WIZ: variants seen among roughly 807,000 people sequenced by gnomAD.
The protein encoded by WIZ is WIZ zinc finger, also known as protein Wiz.
Under a neutral mutation model 140.2 loss-of-function variants are expected in WIZ, and 25 were observed. The observed-to-expected ratio is 0.18, with a 90% CI of 0.13 to 0.25. WIZ has a LOEUF of 0.25. Among genes scored for constraint, WIZ ranks in the 10% least tolerant of loss-of-function variants. WIZ has a pLI of 1.00. For missense variants in WIZ, 2,231 were observed against 2,632.6 expected (o/e 0.85, Z 3.34); for synonymous variants, 1,125 against 1,154.3 (o/e 0.97, Z 0.51).
Position 15,420,539 on chromosome 19 carries a change from T to C in WIZ, c.*2537A>G, listed in dbSNP as rs1049354900. On this transcript the variant is annotated 3_prime_UTR_variant, in exon 13 of 13. Transcript: ENST00000673675. The stretch of plus-strand genomic sequence containing the variant: ...TTCATCGCACTTGCCACAGTCATCA[T>C]TGTACCGATTTGATTTCGTTCACAT... 4 of 152,256 alleles carry C rather than the reference T, an allele frequency of 2.6e-5. No homozygotes were observed. The highest frequency in any genetic ancestry group is 2.6e-4 in the Admixed American group (4 of 15,286). 9.4% of individuals were successfully genotyped at this position (152,256 alleles called of 1,614,324 possible). A position where few individuals can be genotyped will look rare whatever the true frequency, so the allele number is the denominator to read the frequency against.
In WIZ at chr19:15,438,646, T is replaced by C; in HGVS notation, c.2348A>G (p.His783Arg). ...NRVGVSYNVR[H>R]FISAEEVKAI... ...CTTCACCTCCTCAGCGGAGATGAAA[T>C]GGCGCACATTGTAGCTGACGCCCAC... The change falls in exon 4 of 13, where the codon CAT becomes CGT. Residue 783 changes from histidine to arginine, a missense_variant. By Grantham distance (29) the His-to-Arg change is conservative (BLOSUM62 0). Transcript: ENST00000673675. 1 of 1,535,288 alleles carries C rather than the reference T, an allele frequency of 6.5e-7. No homozygotes were observed. The highest frequency in any genetic ancestry group is 1.2e-5 in the South Asian group (1 of 84,052).
In WIZ at chr19:15,442,815, TC is replaced by T; in HGVS notation, c.206-68del. On this transcript the variant is annotated intron_variant, in intron 2 of 12. Coordinates refer to ENST00000673675, the MANE Select transcript of WIZ (RefSeq NM_001371589.1). The surrounding 1 kb of genome is among the most constrained non-coding windows in gnomAD (Gnocchi z 5.5). Reference sequence around the variant, plus strand: ...TGGCCGGGGCCCTCCACACCCCAGCTCCAGGAGCCCTGCCAGGTGCCTCAGA... The same window carrying T: ...TGGCCGGGGCCCTCCACACCCCAGCTCAGGAGCCCTGCCAGGTGCCTCAGA... 9.7e-7 allele frequency: 1 copy of T among 1,031,412 alleles called. No homozygotes were observed. The highest frequency in any genetic ancestry group is 1.2e-6 in the Non-Finnish European group (1 of 804,686). 63.9% of individuals were successfully genotyped at this position (1,031,412 alleles called of 1,614,324 possible). A position where few individuals can be genotyped will look rare whatever the true frequency, so the allele number is the denominator to read the frequency against.
chr19:15,428,338 C>G lies in WIZ; in HGVS notation c.3586G>C (p.Asp1196His). ...IDVLHGLIRR[D>H]GVQIRLPPRR... ...GGTGGGAGGCGGATCTGGACGCCGT[C>G]CCTCCTGATGAGCCCGTGGAGCACG... Residue 1196 changes from aspartate (D) to histidine (H), a missense_variant, in exon 8 of 13, where the codon GAC becomes CAC. Coordinates refer to ENST00000673675, the MANE Select transcript of WIZ (RefSeq NM_001371589.1). The surrounding 1 kb of genome is among the most constrained non-coding windows in gnomAD (Gnocchi z 6.4). 6.5e-7 allele frequency: 1 copy of G among 1,535,010 alleles called. No individual in the cohort carries two copies. Among genetic ancestry groups the G allele is most frequent in the Non-Finnish European group, 8.7e-7 (1 of 1,146,552 alleles).
chr19:15,434,255 C>CT (rs200592630), intron 5 of WIZ, among the ~76,000 whole-genome samples: 31 of 118,522 alleles, frequency 2.6e-4, no homozygotes, highest in African/African-American at 8.8e-4. Context: ...AGGACTCCAT[C>CT]TTTAAAAAAA....
At position 15,424,711 on chromosome 19, in the gene WIZ, G is replaced by C; in HGVS notation, c.5216C>G (p.Pro1739Arg). 1 of 1,580,706 alleles carries C rather than the reference G, an allele frequency of 6.3e-7. No homozygotes were observed. The highest frequency in any genetic ancestry group is 8.5e-7 in the Non-Finnish European group (1 of 1,170,002). The change falls in exon 11 of 13, where the codon CCC becomes CGC. Residue 1739 changes from proline (P) to arginine (R), a missense_variant. Physicochemically the swap from Pro to Arg is moderately radical, Grantham distance 103. Transcript: ENST00000673675. The surrounding 1 kb of genome is among the most constrained non-coding windows in gnomAD (Gnocchi z 9.7). ...VGRSAGGEPG[P>R]EAGRAADGGE... Reference sequence around the variant, plus strand: ...ACCGTCGGCTGCCCGGCCAGCCTCGGGCCCTGGCTCCCCTCCGGCACTGCG... The same window carrying C: ...ACCGTCGGCTGCCCGGCCAGCCTCGCGCCCTGGCTCCCCTCCGGCACTGCG...
rs368137564 is a variant in WIZ at position 15,423,136 on chromosome 19, G to A, written c.5610C>T (p.Asp1870=). The change falls in exon 13 of 13, where the codon GAC becomes GAT. Residue 1870 remains aspartate (D), a synonymous_variant. Coordinates refer to ENST00000673675, the MANE Select transcript of WIZ (RefSeq NM_001371589.1). The part of the protein sequence containing the change: ...HILEMNFSKA[D]PPPEESQAPQ... ...GGGCCTGGGACTCCTCAGGTGGGGG[G>A]TCCGCTTTGGAGAAGTTCATCTCCA... is the stretch of plus-strand genomic sequence containing the variant. 1.3e-5 allele frequency: 21 copies of A among 1,612,870 alleles called. No homozygotes were observed. The African/African-American group carries it at 1.5e-4, about 11-fold the overall frequency.
chr19:15,443,307 AG>A (rs1415293999), intron 2 of WIZ, among the ~76,000 whole-genome samples: 1 of 152,138 alleles, frequency 6.6e-6, no homozygotes, highest in East Asian at 1.9e-4. Flanking sequence ...CTTGACCTCA[AG>A]CGATCCACCC....
In WIZ at chr19:15,420,911, T is replaced by TC. The variant is rs1412074231; in HGVS notation, c.*2164dup. The TC allele has an allele frequency of 1.3e-5, 2 of 152,106 alleles. No homozygotes were observed. Among genetic ancestry groups the TC allele is most frequent in the Non-Finnish European group, 2.9e-5 (2 of 68,042 alleles). The allele number at this position is 152,106 out of a possible 1,614,324, so 9.4% of individuals were successfully genotyped here. A position where few individuals can be genotyped will look rare whatever the true frequency, so the allele number is the denominator to read the frequency against. On this transcript the variant is annotated 3_prime_UTR_variant, in exon 13 of 13. Transcript: ENST00000673675. ...AGGCTGATCACTTGAGCTCAGGAGTTCAAGACCAGCCCGGGCAACATGGTG... is the reference window on the plus strand; with the variant it reads ...AGGCTGATCACTTGAGCTCAGGAGTTCCAAGACCAGCCCGGGCAACATGGTG...
intron 6 of WIZ, 90 bp from the exon 7 acceptor site, chr19:15,430,179 C>A: frequency 7.0e-7 from 1 of 1,429,540 alleles, no homozygotes; most frequent in South Asian, 1.5e-5. Flanking sequence ...CCCACTCACC[C>A]AGGCTCCATG....
rs528994172 is a variant in WIZ at position 15,431,000 on chromosome 19, T to C, written c.2911+12A>G. 1.2e-5 allele frequency: 18 copies of C among 1,520,156 alleles called. No individual in the cohort carries two copies. The African/African-American group carries it at 2.1e-4, about 17-fold the overall frequency. 94.2% of individuals were successfully genotyped at this position (1,520,156 alleles called of 1,614,324 possible). A position where few individuals can be genotyped will look rare whatever the true frequency, so the allele number is the denominator to read the frequency against. The stretch of plus-strand genomic sequence containing the variant: ...GGCCAGCATCCCCTGCCATGCCACC[T>C]GGGCCACTCACCCTTGAGGTCCTGC... On this transcript the variant is annotated intron_variant, in intron 6 of 12. Transcript: ENST00000673675.
At position 15,438,894 on chromosome 19, in the gene WIZ, C is replaced by T. The variant is rs1332103981; in HGVS notation, c.2100G>A (p.Val700=). Residue 700 remains valine, a synonymous_variant, in exon 4 of 13, where the codon GTG becomes GTA. Coordinates refer to ENST00000673675, the MANE Select transcript of WIZ (RefSeq NM_001371589.1). ...LGPQVMAAAR[V]PPRLQPEELG... ...GCTCCTCGGGCTGCAACCTTGGGGG[C>T]ACCCTGGCTGCCGCCATGACCTGCG... 9.6e-6 allele frequency: 14 copies of T among 1,451,510 alleles called. No individual in the cohort carries two copies. Among genetic ancestry groups the T allele is most frequent in the Non-Finnish European group, 1.3e-5 (14 of 1,102,852 alleles). 89.9% of individuals were successfully genotyped at this position (1,451,510 alleles called of 1,614,324 possible).
At chr19:15,436,073 A>G (rs376846688) in intron 5 of WIZ, among the ~76,000 whole-genome samples, 3 of 152,246 alleles carry the variant, frequency 2.0e-5, no homozygotes, top group East Asian at 1.9e-4. Flanking sequence ...CAGTGAGCCA[A>G]GATTGTGCCA....
chr19:15,429,752 GC>G lies in WIZ; in HGVS notation c.3248del (p.Gly1083AlafsTer34). 1 of 1,497,374 alleles carries G rather than the reference GC, an allele frequency of 6.7e-7. No individual in the cohort carries two copies. The highest frequency in any genetic ancestry group is 8.9e-7 in the Non-Finnish European group (1 of 1,125,728). 92.8% of individuals were successfully genotyped at this position (1,497,374 alleles called of 1,614,324 possible). A position where few individuals can be genotyped will look rare whatever the true frequency, so the allele number is the denominator to read the frequency against. On this transcript the variant is annotated frameshift_variant, in exon 7 of 13. Transcript: ENST00000673675. LOFTEE classifies it high-confidence loss of function. ...TGAGGAGTGGAGAGCTGGGCGGGTG[GC>G]CCAGGCCCTTGGCCGAGAAGCCGGG... is the stretch of plus-strand genomic sequence containing the variant. ...SPPGFSAKGL[G>X]HPPSSPLLKK... is the part of the protein sequence containing the mutation.
intron 3 of WIZ, among the ~76,000 whole-genome samples, chr19:15,441,162 A>G (rs1352203997): frequency 1.3e-5 from 2 of 152,100 alleles, no homozygotes; most frequent in African/African-American, 4.8e-5. Context: ...AGATTTGGCG[A>G]TTAACTTTGT....
chr19:15,422,749 C>T lies in WIZ; in HGVS notation c.*327G>A, dbSNP rs1568281580. 2.6e-6 allele frequency: 1 copy of T among 389,272 alleles called. No individual in the cohort carries two copies. The highest frequency in any genetic ancestry group is 4.7e-6 in the Non-Finnish European group (1 of 213,662). The allele number at this position is 389,272 out of a possible 1,614,324, so 24.1% of individuals were successfully genotyped here. On this transcript the variant is annotated 3_prime_UTR_variant, in exon 13 of 13. Coordinates refer to ENST00000673675, the MANE Select transcript of WIZ (RefSeq NM_001371589.1). ...AATGGCCACGGATGGCAGACATCGCCCTGCCTGGCTGCTAGACGGGGGAGT... is the reference window on the plus strand; with the variant it reads ...AATGGCCACGGATGGCAGACATCGCTCTGCCTGGCTGCTAGACGGGGGAGT...
In WIZ at chr19:15,439,657, C is replaced by T; in HGVS notation, c.1337G>A (p.Ser446Asn). ...FGGSSGAGSP[S>N]PEASALLYQP... The stretch of plus-strand genomic sequence containing the variant: ...ATAGAGGAGGGCGCTGGCCTCAGGG[C>T]TGGGGCTGCCAGCCCCGCTGCTGCC... Residue 446 changes from serine (S) to asparagine (N), a missense_variant, in exon 4 of 13, where the codon AGC becomes AAC. Coordinates refer to ENST00000673675, the MANE Select transcript of WIZ (RefSeq NM_001371589.1). The surrounding 1 kb of genome is among the most constrained non-coding windows in gnomAD (Gnocchi z 7.0). 6.7e-7 allele frequency: 1 copy of T among 1,500,310 alleles called. No individual in the cohort carries two copies. The highest frequency in any genetic ancestry group is 1.3e-5 in the South Asian group (1 of 79,650). 92.9% of individuals were successfully genotyped at this position (1,500,310 alleles called of 1,614,324 possible).
At position 15,427,397 on chromosome 19, in the gene WIZ, C is replaced by T. The variant is rs757041876; in HGVS notation, c.3951G>A (p.Ser1317=). 3.3e-5 allele frequency: 53 copies of T among 1,613,084 alleles called. No individual in the cohort carries two copies. The highest frequency in any genetic ancestry group is 2.8e-4 in the African/African-American group (21 of 75,034). ...MGVTEWYVNG[S]PIDTLREILK... is the part of the protein sequence containing the mutation. ...GGATCTCCCGCAGCGTGTCGATGGG[C>T]GAGCCATTGACGTACCACTCGGTCA... is the stretch of plus-strand genomic sequence containing the variant. Residue 1317 remains serine, a synonymous_variant, in exon 9 of 13, where the codon TCG becomes TCA. Transcript: ENST00000673675. This position sits in a 1 kb window ranked among gnomAD's most constrained non-coding sequence, Gnocchi z 6.4.
chr19:15,440,456 C>T lies in WIZ; in HGVS notation c.538G>A (p.Gly180Ser), dbSNP rs1251424752. Residue 180 changes from glycine to serine, a missense_variant, in exon 4 of 13, where the codon GGC (glycine) becomes AGC (serine). Around this residue, in one of 15 missense-constraint regions of WIZ, gnomAD observed 307 missense variants for 294.1 expected, o/e 1.04. Coordinates refer to ENST00000673675, the MANE Select transcript of WIZ (RefSeq NM_001371589.1). The surrounding 1 kb of genome is among the most constrained non-coding windows in gnomAD (Gnocchi z 6.2). ...TGGAGCCAGTCGAACCTGGGGCGGC[C>T]CTGGGCATGTTTCTCCAAAAGCCTT... ...EPRLLEKHAQ[G>S]RPRFDWLQDE... 17 of 1,536,110 alleles carry T rather than the reference C, an allele frequency of 1.1e-5. 1 individual carries two copies. The Admixed American group carries it at 1.8e-4, about 16-fold the overall frequency.
chr19:15,440,529 G>T lies in WIZ; in HGVS notation c.465C>A (p.His155Gln), dbSNP rs907725573. ...DSVIVRTMKPHAELEGSRRFL... is the reference protein window; with the variant it reads ...DSVIVRTMKPQAELEGSRRFL... ...ACCTTCTAGAGCCCTCTAGCTCAGC[G>T]TGGGGTTTCATGGTTCTCACAATGA... Residue 155 changes from histidine to glutamine, a missense_variant, in exon 4 of 13, where the codon CAC becomes CAA. Coordinates refer to ENST00000673675, the MANE Select transcript of WIZ (RefSeq NM_001371589.1). This position sits in a 1 kb window ranked among gnomAD's most constrained non-coding sequence, Gnocchi z 6.2. 6.5e-7 allele frequency: 1 copy of T among 1,536,170 alleles called. No homozygotes were observed. Among genetic ancestry groups the T allele is most frequent in the Non-Finnish European group, 8.7e-7 (1 of 1,146,900 alleles).
Sources: allele counts gnomAD v4.1 joint callset (sites outside exome capture counted in the v4.1 genomes callset), GRCh38; gene constraint gnomAD v4.1.1; regional missense constraint gnomAD v4.1.1; non-coding constraint Gnocchi (gnomAD v3.1); transcripts MANE v1.5; gene names NCBI Gene and HGNC (gene_info 2026-07-23, HGNC 2026-07-21).